Variants in SAMMSON observed in about 807,000 individuals in gnomAD.
SAMMSON encodes survival associated mitochondrial melanoma specific oncogenic non-coding RNA, also known as long intergenic non-protein coding RNA 1212.
chr3:70,101,687 C>T (rs1417395930), intron 4 of SAMMSON, among the ~76,000 whole-genome samples: 2 of 152,264 alleles, frequency 1.3e-5, no homozygotes, highest in East Asian at 3.9e-4. Flanking sequence ...CCTTTTACCT[C>T]TTGCAAGCAT....
chr3:70,235,113 C>G (rs1197956109), intron 4 of SAMMSON, among the ~76,000 whole-genome samples: 1 of 152,122 alleles, frequency 6.6e-6, no homozygotes, highest in African/African-American at 2.4e-5. Context: ...TTTCCAACCT[C>G]TATTGGAGAA....
intron 4 of SAMMSON, among the ~76,000 whole-genome samples, chr3:70,145,716 T>G (rs527673791): frequency 6.6e-6 from 1 of 152,088 alleles, no homozygotes; most frequent in African/African-American, 2.4e-5. Flanking sequence ...AAATGAAAAT[T>G]TATAGCATTA....
At chr3:70,102,841 T>C (rs1407367974) in intron 4 of SAMMSON, among the ~76,000 whole-genome samples, 2 of 152,192 alleles carry the variant, frequency 1.3e-5, no homozygotes, top group Non-Finnish European at 2.9e-5. Flanking sequence ...CTTTGATTGC[T>C]CTGCTCTGCT....
At chr3:70,024,367 A>C (rs545185295) in intron 3 of SAMMSON, among the ~76,000 whole-genome samples, 1 of 152,318 alleles carries the variant, frequency 6.6e-6, no homozygotes, top group South Asian at 2.1e-4. Flanking sequence ...CAGACATATA[A>C]TTTCTGATTG....
At chr3:70,432,567 A>G (rs201426997) in intron 2 of SAMMSON, among the ~76,000 whole-genome samples, 1 of 151,768 alleles carries the variant, frequency 6.6e-6, no homozygotes, top group African/African-American at 2.4e-5. Context: ...GATGCCCCCC[A>G]CCTGCCACAT....
intron 7 of SAMMSON, among the ~76,000 whole-genome samples, chr3:70,348,189 G>C (rs753342793): frequency 2.0e-5 from 3 of 152,162 alleles, no homozygotes; most frequent in Admixed American, 1.3e-4. Context: ...GTCAGAATAG[G>C]CCTCATTGAT....
chr3:70,139,568 C>T (rs1344392855), intron 4 of SAMMSON, among the ~76,000 whole-genome samples: 2 of 152,144 alleles, frequency 1.3e-5, no homozygotes, highest in African/African-American at 4.8e-5. Context: ...TGGAGGCAGC[C>T]ATGCCTCTAC....
At position 70,053,184 on chromosome 3, in the gene SAMMSON, C is replaced by G. The variant is rs1044631707; in HGVS notation, n.418-18292C>G. 3.3e-5 allele frequency among the ~76,000 whole-genome samples: 5 copies of G among 152,090 alleles called. 1 individual carries two copies. The South Asian group carries it at 8.3e-4, about 25-fold the overall frequency. ...TATGGATTATTACTTTTCTTCTTTA[C>G]AGGGAGAAATGCTGAAGTCTAGATC... On this transcript the variant is annotated intron_variant and non_coding_transcript_variant, in intron 3 of 9. Transcript: ENST00000642114.
intron 2 of SAMMSON, among the ~76,000 whole-genome samples, chr3:70,012,893 C>G (rs953262652): frequency 6.6e-6 from 1 of 152,056 alleles, no homozygotes; most frequent in Non-Finnish European, 1.5e-5. Flanking sequence ...GGGGCCTCTT[C>G]TACCATACAA....
chr3:70,132,383 A>G (rs1215566900), intron 4 of SAMMSON, among the ~76,000 whole-genome samples: 1 of 152,188 alleles, frequency 6.6e-6, no homozygotes, highest in Admixed American at 6.5e-5. Flanking sequence ...TCTCCACCCC[A>G]AAGTGAACAT....
chr3:70,022,777 G>T (rs1039230479), intron 3 of SAMMSON, among the ~76,000 whole-genome samples: 3 of 152,150 alleles, frequency 2.0e-5, no homozygotes, highest in Non-Finnish European at 2.9e-5. Context: ...CCTTCTAAAA[G>T]ATTCAAGTTT....
chr3:70,020,760 G>A lies in SAMMSON; in HGVS notation n.417+7088G>A, dbSNP rs1247800890. Among the ~76,000 whole-genome samples, 5 of 152,134 alleles carry A rather than the reference G, an allele frequency of 3.3e-5. No homozygotes were observed. The East Asian group carries it at 5.8e-4, about 18-fold the overall frequency. Reference sequence around the variant, plus strand: ...CAGTAGCAGCTACTGTTGATCGAGCGCCTTTTACAATTCAGGCATGATGCA... The same window carrying A: ...CAGTAGCAGCTACTGTTGATCGAGCACCTTTTACAATTCAGGCATGATGCA... On this transcript the variant is annotated intron_variant and non_coding_transcript_variant, in intron 3 of 9. Transcript: ENST00000642114.
chr3:70,185,754 A>G (rs1481215232), intron 4 of SAMMSON, among the ~76,000 whole-genome samples: 1 of 150,478 alleles, frequency 6.6e-6, no homozygotes, highest in Non-Finnish European at 1.5e-5. Flanking sequence ...TCCAGCTACC[A>G]GAAGGCTAAG....
chr3:70,278,090 C>A (rs1363951034), intron 6 of SAMMSON, among the ~76,000 whole-genome samples: 2 of 152,192 alleles, frequency 1.3e-5, no homozygotes, highest in African/African-American at 4.8e-5. Context: ...CAGCTCTCAT[C>A]ATTTCCCCCG....
At chr3:70,410,383 C>T (rs1701208529) in intron 2 of SAMMSON, among the ~76,000 whole-genome samples, 1 of 152,130 alleles carries the variant, frequency 6.6e-6, no homozygotes, top group Non-Finnish European at 1.5e-5. Context: ...CTTTTCATCC[C>T]CTAAGACATT....
At chr3:70,276,525 C>A (rs975888837) in intron 6 of SAMMSON, among the ~76,000 whole-genome samples, 5 of 152,044 alleles carry the variant, frequency 3.3e-5, no homozygotes, top group African/African-American at 7.2e-5. Context: ...TGATTCATTC[C>A]ATGTTTATTT....
intron 4 of SAMMSON, among the ~76,000 whole-genome samples, chr3:70,130,504 C>G (rs1228087397): frequency 6.6e-6 from 1 of 152,158 alleles, no homozygotes; most frequent in African/African-American, 2.4e-5. Context: ...TTTGTTCCCT[C>G]TGCTTGAAAC....
chr3:70,279,620 T>G (rs11128171), intron 6 of SAMMSON, among the ~76,000 whole-genome samples: 151,494 of 152,232 alleles, frequency 1, 75,389 homozygotes, highest in East Asian at 1. Flanking sequence ...AGATTTGCGT[T>G]GCTCTCTTGC....
At chr3:70,365,145 A>G (rs896689001) in intron 9 of SAMMSON, among the ~76,000 whole-genome samples, 2 of 151,668 alleles carry the variant, frequency 1.3e-5, no homozygotes, top group African/African-American at 4.8e-5. Context: ...GCCATCCTAA[A>G]AGCACTTTCT....
Sources: gnomAD v4.1 joint callset for allele counts (sites outside exome capture counted in the v4.1 genomes callset) on GRCh38, gnomAD v4.1.1 for gene constraint, MANE v1.5 for transcripts, NCBI Gene and HGNC (gene_info 2026-07-23, HGNC 2026-07-21) for gene names.